Variants in PNPLA6 observed in about 807,000 individuals in gnomAD.
PNPLA6 encodes the protein patatin like domain 6, lysophospholipase.
A neutral mutation model predicts 153.7 loss-of-function variants in PNPLA6; 105 were observed. The observed-to-expected ratio is 0.68, with a 90% CI of 0.58 to 0.80. The LOEUF is 0.80. Ranked by LOEUF, PNPLA6 falls within the 30% of genes least tolerant of loss-of-function variation. The probability of loss-of-function intolerance (pLI) is 0.00; values close to 1 mark genes in which losing one functional copy is unlikely to be tolerated. For missense variants in PNPLA6, 1,423 were observed against 1,919.3 expected (o/e 0.74, Z 4.83); for synonymous variants, 825 against 822.2 (o/e 1.00, Z -0.06).
chr19:7,550,950 C>T, intron 16 of PNPLA6, 44 bp from the exon 17 acceptor site: 1 of 1,392,124 alleles, frequency 7.2e-7, no homozygotes, highest in East Asian at 2.5e-5. Flanking sequence ...TCGGCCTCCT[C>T]ATTCCCCACC....
At chr19:7,539,473 C>T in intron 3 of PNPLA6, among the ~76,000 whole-genome samples, 1 of 142,454 alleles carries the variant, frequency 7.0e-6, no homozygotes, top group Non-Finnish European at 1.5e-5. Flanking sequence ...AGCGAGACTC[C>T]TGAGGCAGGG....
intron 17 of PNPLA6, 43 bp downstream of exon 17, chr19:7,551,150 T>A: frequency 2.1e-6 from 1 of 473,448 alleles, no homozygotes; most frequent in Non-Finnish European, 3.9e-6. Context: ...GAGGCGGGAC[T>A]CCGGGGGGGT....
Position 7,561,029 on chromosome 19 carries a change from AGCTCTG to A in PNPLA6, c.3836_3841del (p.Ser1279_Gly1280del). 6.2e-7 allele frequency: 1 copy of A among 1,612,094 alleles called. No individual in the cohort carries two copies. The highest frequency in any genetic ancestry group is 1.1e-5 in the South Asian group (1 of 90,534). On this transcript the variant is annotated inframe_deletion, in exon 30 of 32. Coordinates refer to ENST00000600737, the MANE Select transcript of PNPLA6 (RefSeq NM_001166114.2). ...CACCCCACAGGTGCTTGCCTTCCCAAGCTCTGGCTTCACTGACTTGGCAGAGATTGT... is the reference window on the plus strand; with the variant it reads ...CACCCCACAGGTGCTTGCCTTCCCAAGCTTCACTGACTTGGCAGAGATTGT...
At chr19:7,550,470 G>A (rs2023594436) in intron 15 of PNPLA6, 41 bp downstream of exon 15, 1 of 1,612,204 alleles carries the variant, frequency 6.2e-7, no homozygotes, top group African/African-American at 1.3e-5. Context: ...GCCTAGGGGT[G>A]GGGACCTGGG....
In PNPLA6 at chr19:7,555,175, G is replaced by T; in HGVS notation, c.2818-74G>T. ...GGGAGGGCTGAGGACAGGCTCGAAG[G>T]TCAGGGTACCCCTGGGGGATCCGCC... On this transcript the variant is annotated intron_variant, in intron 22 of 31. Coordinates refer to ENST00000600737, the MANE Select transcript of PNPLA6 (RefSeq NM_001166114.2). This position sits in a 1 kb window ranked among gnomAD's most constrained non-coding sequence, Gnocchi z 6.3. 1 of 1,529,816 alleles carries T rather than the reference G, an allele frequency of 6.5e-7. No individual in the cohort carries two copies. Among genetic ancestry groups the T allele is most frequent in the South Asian group, 1.2e-5 (1 of 85,672 alleles). The allele number at this position is 1,529,816 out of a possible 1,614,324, so 94.8% of individuals were successfully genotyped here.
chr19:7,542,168 A>T (rs983790203), intron 10 of PNPLA6, 101 bp downstream of exon 10: 2 of 882,882 alleles, frequency 2.3e-6, no homozygotes, highest in Admixed American at 3.8e-5. Context: ...CGAAATGGGA[A>T]CACTGCCAGT....
At chr19:7,542,092 A>C (rs1287175767) in intron 10 of PNPLA6, 25 bp downstream of exon 10, 1 of 1,579,976 alleles carries the variant, frequency 6.3e-7, no homozygotes, top group South Asian at 1.1e-5. Flanking sequence ...GTCTGCGGGG[A>C]GGGCCATGGA....
At chr19:7,542,513 T>TTAA in intron 10 of PNPLA6, 48 bp from the exon 11 acceptor site, 1 of 1,429,870 alleles carries the variant, frequency 7.0e-7, no homozygotes, top group Non-Finnish European at 9.9e-7. Flanking sequence ...TTTTTAAAAA[T>TTAA]CTTACTCTCA....
At position 7,558,657 on chromosome 19, in the gene PNPLA6, A is replaced by T. The variant is rs563508405; in HGVS notation, c.3398-193A>T. Among the ~76,000 whole-genome samples, 5 of 151,984 alleles carry T rather than the reference A, an allele frequency of 3.3e-5. No homozygotes were observed. In the South Asian group the frequency reaches 1.0e-3, roughly 32 times the overall value. ...AGAAAATAAAACAAAACCTCCCAACACCTGACCCCCCTCCTCAACTTCAGT... is the reference window on the plus strand; with the variant it reads ...AGAAAATAAAACAAAACCTCCCAACTCCTGACCCCCCTCCTCAACTTCAGT... On this transcript the variant is annotated intron_variant, in intron 27 of 31. Coordinates refer to ENST00000600737, the MANE Select transcript of PNPLA6 (RefSeq NM_001166114.2).
chr19:7,548,903 C>G (rs1337315381), intron 13 of PNPLA6, among the ~76,000 whole-genome samples: 1 of 148,588 alleles, frequency 6.7e-6, no homozygotes, highest in Non-Finnish European at 1.5e-5. Flanking sequence ...CCCGGGTTCA[C>G]GCCATTTTCC....
chr19:7,548,218 C>T (rs1209194556), intron 13 of PNPLA6, among the ~76,000 whole-genome samples: 1 of 151,730 alleles, frequency 6.6e-6, no homozygotes, highest in Non-Finnish European at 1.5e-5. Flanking sequence ...GTGGCAGGCA[C>T]CTTTAATCTC....
Position 7,540,354 on chromosome 19 carries a change from G to C in PNPLA6, c.714+46G>C. On this transcript the variant is annotated intron_variant, in intron 5 of 31. Transcript: ENST00000600737. This position sits in a 1 kb window ranked among gnomAD's most constrained non-coding sequence, Gnocchi z 6.8. ...GCTGCTGCAGGAGGATGGGTGGTGG[G>C]GATGGGCAGCAGGCATTGGTCTGTA... 1.3e-6 allele frequency: 2 copies of C among 1,571,826 alleles called. No homozygotes were observed. Among genetic ancestry groups the C allele is most frequent in the East Asian group, 2.3e-5 (1 of 44,422 alleles).
In PNPLA6 at chr19:7,550,104, C is replaced by T. The variant is rs1332113649; in HGVS notation, c.1806C>T (p.Asp602=). 6.8e-6 allele frequency: 11 copies of T among 1,614,088 alleles called. No homozygotes were observed. The highest frequency in any genetic ancestry group is 9.3e-6 in the Non-Finnish European group (11 of 1,180,030). ...CCTTCCTGCGGATCTCCAAGTCCGA[C>T]TTCTATGAGTATGACAGCCCGAAGT... ...DCTFLRISKS[D]FYEIMRAQPS... The change falls in exon 14 of 32, where the codon GAC becomes GAT. Residue 602 remains aspartate, a synonymous_variant. Coordinates refer to ENST00000600737, the MANE Select transcript of PNPLA6 (RefSeq NM_001166114.2).
chr19:7,536,221 G>T lies in PNPLA6; in HGVS notation c.263G>T (p.Arg88Leu). The change falls in exon 2 of 32, where the codon CGG becomes CTG. Residue 88 changes from arginine to leucine, a missense_variant. Arg to Leu is a moderately radical substitution (Grantham distance 102). Transcript: ENST00000600737. ...KTPAPDGPRY[R>L]FRKRDKVLFY... ...CCAGCCCCGGATGGCCCCCGGTATC[G>T]GTTCCGGAAGAGGGACAAAGTGCTC... The T allele has an allele frequency of 6.2e-7, 1 of 1,613,890 alleles. No homozygotes were observed. The highest frequency in any genetic ancestry group is 8.5e-7 in the Non-Finnish European group (1 of 1,179,878).
Position 7,549,975 on chromosome 19 carries a change from G to A in PNPLA6, c.1677G>A (p.Glu559=), listed in dbSNP as rs377143443. The A allele has an allele frequency of 2.5e-5, 41 of 1,613,868 alleles. No homozygotes were observed. Among genetic ancestry groups the A allele is most frequent in the Non-Finnish European group, 3.3e-5 (39 of 1,180,054 alleles). Residue 559 remains glutamate, a synonymous_variant, in exon 14 of 32, where the codon GAG becomes GAA. Transcript: ENST00000600737. The part of the protein sequence containing the change: ...HVYQRMIDKA[E]DVCLFVAQPG... ...ACCAGCGCATGATCGACAAGGCGGA[G>A]GACGTGTGCCTGTTCGTAGCGCAGC...
rs781758303 is a variant in PNPLA6 at position 7,557,475 on chromosome 19, G to A, written c.3397+191G>A. On this transcript the variant is annotated intron_variant, in intron 27 of 31. Transcript: ENST00000600737. Reference sequence around the variant, plus strand: ...ATACATGAATGTGCCTGTGGACAGCGACATGTGCAGTTGAGATCTACATTC... The same window carrying A: ...ATACATGAATGTGCCTGTGGACAGCAACATGTGCAGTTGAGATCTACATTC... 2.9e-5 allele frequency: 19 copies of A among 650,174 alleles called. 1 individual carries two copies. The highest frequency in any genetic ancestry group is 6.2e-5 in the Admixed American group (3 of 48,122). The allele number at this position is 650,174 out of a possible 1,614,324, so 40.3% of individuals were successfully genotyped here. A position where few individuals can be genotyped will look rare whatever the true frequency, so the allele number is the denominator to read the frequency against.
intron 13 of PNPLA6, among the ~76,000 whole-genome samples, chr19:7,547,917 C>T (rs2023459883): frequency 6.8e-6 from 1 of 146,014 alleles, no homozygotes; most frequent in Non-Finnish European, 1.5e-5. Context: ...CACACCTAGG[C>T]CTCTCAAAGT....
intron 28 of PNPLA6, among the ~76,000 whole-genome samples, chr19:7,559,579 T>C (rs89621): frequency 0.43 from 63,597 of 149,094 alleles, 13,600 homozygotes; most frequent in East Asian, 0.67. Context: ...TGGCTCATGC[T>C]TGTAATCCCA....
At chr19:7,539,828 G>A in intron 3 of PNPLA6, 90 bp from the exon 4 acceptor site, 1 of 821,904 alleles carries the variant, frequency 1.2e-6, no homozygotes, top group Non-Finnish European at 2.0e-6. Flanking sequence ...CTGTACATGA[G>A]CCCTGGGGAA....
Sources: gnomAD v4.1 joint callset for allele counts (sites outside exome capture counted in the v4.1 genomes callset) on GRCh38, gnomAD v4.1.1 for gene constraint, Gnocchi (gnomAD v3.1) non-coding constraint, MANE v1.5 for transcripts, NCBI Gene and HGNC (gene_info 2026-07-23, HGNC 2026-07-21) for gene names.